Variants in PTBP3 observed in about 807,000 individuals in gnomAD.
PTBP3 encodes the protein polypyrimidine tract-binding protein 3.
In PTBP3, 20 loss-of-function variants were observed where a neutral mutation model predicts 58.7. The observed-to-expected ratio is 0.34, with a 90% CI of 0.24 to 0.50. The LOEUF is 0.50. PTBP3 is among the 20% of genes least tolerant of loss of function. The pLI, the probability that PTBP3 is intolerant of heterozygous loss-of-function variation, is 0.98. For missense variants in PTBP3, 509 were observed against 637.2 expected, an observed-to-expected ratio of 0.80 and a Z score of 2.17; for synonymous variants, 185 against 219.8, an observed-to-expected ratio of 0.84 and a Z score of 1.40.
the PTBP3 span, among the ~76,000 whole-genome samples, chr9:112,373,840 A>T: frequency 6.6e-6 from 1 of 152,366 alleles, no homozygotes; most frequent in East Asian, 1.9e-4. Flanking sequence ...TGTTTTTAAC[A>T]AAAGAAGGAA....
chr9:112,375,914 A>C, the PTBP3 span, among the ~76,000 whole-genome samples: 1 of 152,148 alleles, frequency 6.6e-6, no homozygotes, highest in Non-Finnish European at 1.5e-5. Context: ...CTGCAGAAGA[A>C]GGCAGGGTCT....
At position 112,297,885 on chromosome 9, in the gene PTBP3, A is replaced by C; in HGVS notation, c.-20T>G. 1 of 1,613,272 alleles carries C rather than the reference A, an allele frequency of 6.2e-7. No homozygotes were observed. The highest frequency in any genetic ancestry group is 1.1e-5 in the South Asian group (1 of 90,962). On this transcript the variant is annotated 5_prime_UTR_variant, in exon 2 of 14. Coordinates refer to ENST00000374257, the MANE Select transcript of PTBP3 (RefSeq NM_001163788.4). ...ATTCATGGTAAAAGGTCCGTTAATGATGCCAGAAGAAAGAAGCTCATCAGA... is the reference window on the plus strand; with the variant it reads ...ATTCATGGTAAAAGGTCCGTTAATGCTGCCAGAAGAAAGAAGCTCATCAGA...
chr9:112,288,880 G>A (rs117703843), intron 2 of PTBP3, among the ~76,000 whole-genome samples: 5,407 of 152,230 alleles, frequency 0.036, 154 homozygotes, highest in South Asian at 0.05. Flanking sequence ...AAAGCAACCC[G>A]CATTTCTTGC....
chr9:112,297,616 G>A (rs1564444015), intron 2 of PTBP3, among the ~76,000 whole-genome samples: 1 of 152,102 alleles, frequency 6.6e-6, no homozygotes, highest in African/African-American at 2.4e-5. Flanking sequence ...TCAAAAAACT[G>A]AATCATCAAA....
At chr9:112,345,187 T>C in the PTBP3 span, among the ~76,000 whole-genome samples, 1 of 151,512 alleles carries the variant, frequency 6.6e-6, no homozygotes, top group Non-Finnish European at 1.5e-5. Flanking sequence ...TTAAATGAGC[T>C]AAGCATGGTG....
At chr9:112,260,645 G>A (rs769847436) in intron 5 of PTBP3, among the ~76,000 whole-genome samples, 13 of 152,178 alleles carry the variant, frequency 8.5e-5, no homozygotes, top group Admixed American at 6.5e-5. Context: ...AGGGAAGGGA[G>A]GTAGGGAGAG....
intron 4 of PTBP3, among the ~76,000 whole-genome samples, chr9:112,264,563 C>T (rs995142966): frequency 5.9e-5 from 9 of 152,184 alleles, no homozygotes; most frequent in Admixed American, 2.0e-4. Flanking sequence ...GAATGAAACA[C>T]TCATCTATCA....
chr9:112,371,031 GT>G, the PTBP3 span, among the ~76,000 whole-genome samples: 1 of 151,772 alleles, frequency 6.6e-6, no homozygotes, highest in Admixed American at 6.6e-5. Flanking sequence ...GATTCCTTAG[GT>G]TTTTCTAGAT....
At chr9:112,328,615 AG>A (rs1830247061) in intron 1 of PTBP3, among the ~76,000 whole-genome samples, 1 of 152,228 alleles carries the variant, frequency 6.6e-6, no homozygotes, top group South Asian at 2.1e-4. Flanking sequence ...GTTTGAGACC[AG>A]CCTGGGCAAC....
chr9:112,266,691 T>C lies in PTBP3; in HGVS notation c.351+1358A>G, dbSNP rs189295086. Among the ~76,000 whole-genome samples, 5 of 152,332 alleles carry C rather than the reference T, an allele frequency of 3.3e-5. No individual in the cohort carries two copies. The East Asian group carries it at 5.8e-4, about 18-fold the overall frequency. The stretch of plus-strand genomic sequence containing the variant: ...TGCTATATTTGTTGTAATAAACCCA[T>C]GTCCATAACATTACACAAAAAAAGA... On this transcript the variant is annotated intron_variant, in intron 4 of 13. Coordinates refer to ENST00000374257, the MANE Select transcript of PTBP3 (RefSeq NM_001163788.4).
At chr9:112,330,185 A>G (rs146904741) in intron 1 of PTBP3, among the ~76,000 whole-genome samples, 3,108 of 152,260 alleles carry the variant, frequency 0.02, 92 homozygotes, top group South Asian at 0.068. Context: ...TGCTAAAACA[A>G]AGCAAACAAA....
chr9:112,321,660 T>G (rs1295776656), intron 1 of PTBP3, among the ~76,000 whole-genome samples: 2 of 151,768 alleles, frequency 1.3e-5, no homozygotes, highest in Non-Finnish European at 2.9e-5. Context: ...GAATCCAGAG[T>G]CACAATCGAG....
chr9:112,360,360 T>A, the PTBP3 span, among the ~76,000 whole-genome samples: 10 of 151,666 alleles, frequency 6.6e-5, no homozygotes, highest in Non-Finnish European at 1.5e-4. Flanking sequence ...AATTTTTAAA[T>A]TTTTTTTTGT....
chr9:112,312,494 T>TG (rs1314476855), intron 1 of PTBP3, among the ~76,000 whole-genome samples: 4 of 146,732 alleles, frequency 2.7e-5, no homozygotes, highest in Non-Finnish European at 4.5e-5. Flanking sequence ...TTTTGTTTTT[T>TG]TTTTTTAAAA....
intron 1 of PTBP3, among the ~76,000 whole-genome samples, chr9:112,318,521 A>G (rs1413968155): frequency 6.6e-6 from 1 of 152,210 alleles, no homozygotes; most frequent in Non-Finnish European, 1.5e-5. Context: ...GCACTCTGGG[A>G]GGCCAAGGTG....
chr9:112,265,204 A>G (rs1194798296), intron 4 of PTBP3, among the ~76,000 whole-genome samples: 1 of 152,128 alleles, frequency 6.6e-6, no homozygotes, highest in Non-Finnish European at 1.5e-5. Flanking sequence ...TTGCTCTGCA[A>G]TACATTAAGT....
At chr9:112,315,632 G>A (rs1290569409) in intron 1 of PTBP3, among the ~76,000 whole-genome samples, 1 of 152,024 alleles carries the variant, frequency 6.6e-6, no homozygotes, top group Non-Finnish European at 1.5e-5. Flanking sequence ...AAAAAAGAAA[G>A]AAATAGAACA....
At chr9:112,363,561 A>ACACACACACACACACAC in the PTBP3 span, among the ~76,000 whole-genome samples, 3 of 77,400 alleles carry the variant, frequency 3.9e-5, no homozygotes, top group Admixed American at 1.5e-4. Context: ...CACACACACA[A>ACACACACACACACACAC]AGGCTATTCT....
intron 7 of PTBP3, among the ~76,000 whole-genome samples, chr9:112,247,687 C>T (rs1483090894): frequency 6.6e-6 from 1 of 152,102 alleles, no homozygotes; most frequent in African/African-American, 2.4e-5. Flanking sequence ...TGCACTCTAG[C>T]CTCGAAGACA....
Sources: gnomAD v4.1 joint callset for allele counts (sites outside exome capture counted in the v4.1 genomes callset) on GRCh38, gnomAD v4.1.1 for gene constraint, MANE v1.5 for transcripts, NCBI Gene and HGNC (gene_info 2026-07-23, HGNC 2026-07-21) for gene names.